CAPN3: variants seen among roughly 807,000 people sequenced by gnomAD.
CAPN3 encodes calpain 3, also known as calpain-3.
A neutral mutation model predicts 114.0 loss-of-function variants in CAPN3; 88 were observed. The ratio of observed to expected loss-of-function variants is 0.77; its 90% CI spans 0.65 to 0.92. The LOEUF (loss-of-function observed/expected upper bound fraction) is 0.92, where lower values mean the gene tolerates loss of function less well. CAPN3 is among the 40% of genes least tolerant of loss of function. CAPN3 has a pLI of 0.00. For missense variants in CAPN3, 1,028 were observed against 1,069.0 expected (o/e 0.96, Z 0.53); for synonymous variants, 386 against 382.9 (o/e 1.01, Z -0.09).
chr15:42,388,873 G>C, intron 4 of CAPN3, 55 bp from the exon 5 acceptor site: 1 of 1,518,458 alleles, frequency 6.6e-7, no homozygotes, highest in South Asian at 1.1e-5. Flanking sequence ...GTGGTACCTG[G>C]GTTTTGTTCC....
At chr15:42,405,995 T>C (rs374321596) in intron 15 of CAPN3, 52 bp downstream of exon 15, 4 of 1,491,214 alleles carry the variant, frequency 2.7e-6, no homozygotes, top group African/African-American at 1.4e-5. Context: ...CATATGTATG[T>C]GCATGCATGT....
In CAPN3 at chr15:42,394,469, C is replaced by T. The variant is rs1045099022; in HGVS notation, c.1115+128C>T. The T allele has an allele frequency of 1.5e-5, 12 of 790,096 alleles. No homozygotes were observed. The African/African-American group carries it at 1.5e-4, about 10-fold the overall frequency. 48.9% of individuals were successfully genotyped at this position (790,096 alleles called of 1,614,324 possible). A position where few individuals can be genotyped will look rare whatever the true frequency, so the allele number is the denominator to read the frequency against. On this transcript the variant is annotated intron_variant, in intron 8 of 23. Coordinates refer to ENST00000397163, the MANE Select transcript of CAPN3 (RefSeq NM_000070.3). ...AAAATCACCCTCAAAACCAATGATC[C>T]GCAGAGAAGAGGGGCACAGGTGTTG...
chr15:42,402,694 G>A (rs1240670180), intron 12 of CAPN3, 100 bp from the exon 13 acceptor site: 1 of 1,572,766 alleles, frequency 6.4e-7, no homozygotes, highest in Non-Finnish European at 8.7e-7. Flanking sequence ...TGTGACATGG[G>A]TGACCAGGGA....
intron 16 of CAPN3, chr15:42,408,934 G>GGTC: frequency 3.1e-6 from 1 of 325,970 alleles, no homozygotes; most frequent in Non-Finnish European, 5.9e-6. Context: ...ACTTGGCCTT[G>GGTC]ATGACAGGGT....
chr15:42,381,026 T>G (rs74503344), intron 1 of CAPN3, among the ~76,000 whole-genome samples: 7,547 of 152,180 alleles, frequency 0.05, 582 homozygotes, highest in African/African-American at 0.16. Flanking sequence ...CTAGGTACTT[T>G]ATAACAGAGA....
chr15:42,402,886 G>A lies in CAPN3; in HGVS notation c.1629G>A (p.Val543=), dbSNP rs768449814. 3 of 1,614,024 alleles carry A rather than the reference G, an allele frequency of 1.9e-6. No individual in the cohort carries two copies. The highest frequency in any genetic ancestry group is 1.3e-5 in the African/African-American group (1 of 74,920). ...AAACCTACATCAACATGCGGGAGGT[G>A]TCCCAGCGCTTCCGCCTGCCTCCCA... ...RSKTYINMRE[V]SQRFRLPPSE... The change falls in exon 13 of 24, where the codon GTG becomes GTA. Residue 543 remains valine, a synonymous_variant. Transcript: ENST00000397163.
In CAPN3 at chr15:42,359,975, A is replaced by C; in HGVS notation, c.170A>C (p.Lys57Thr). 6.2e-7 allele frequency: 1 copy of C among 1,614,230 alleles called. No homozygotes were observed. Among genetic ancestry groups the C allele is most frequent in the Non-Finnish European group, 8.5e-7 (1 of 1,180,038 alleles). The change falls in exon 1 of 24, where the codon AAA becomes ACA. Residue 57 changes from lysine to threonine, a missense_variant. Coordinates refer to ENST00000397163, the MANE Select transcript of CAPN3 (RefSeq NM_000070.3). The stretch of plus-strand genomic sequence containing the variant: ...CGCAATTTTCCTATTATCGGAGTGA[A>C]AGAGAAGACATTCGAGCAACTTCAC... ...ISRNFPIIGV[K>T]EKTFEQLHKK...
intron 1 of CAPN3, among the ~76,000 whole-genome samples, chr15:42,380,423 C>T (rs1215241506): frequency 1.6e-5 from 2 of 127,660 alleles, no homozygotes; most frequent in Non-Finnish European, 3.1e-5. Context: ...TTCTGTCACC[C>T]AGGCTGGAGT....
At chr15:42,410,276 T>C in intron 19 of CAPN3, 152 bp from the exon 20 acceptor site, 2 of 817,080 alleles carry the variant, frequency 2.4e-6, no homozygotes, top group Non-Finnish European at 4.2e-6. Context: ...GGTTACAGAG[T>C]AGGCGCAATC....
intron 1 of CAPN3, among the ~76,000 whole-genome samples, chr15:42,378,882 T>G (rs1209034053): frequency 6.6e-6 from 1 of 152,208 alleles, no homozygotes; most frequent in African/African-American, 2.4e-5. Flanking sequence ...CTTTTGAAAT[T>G]TCTTCTTTGA....
At chr15:42,361,954 CACTG>C (rs758293861) in intron 1 of CAPN3, among the ~76,000 whole-genome samples, 1 of 152,248 alleles carries the variant, frequency 6.6e-6, no homozygotes, top group Non-Finnish European at 1.5e-5. Context: ...GATTTCCTCT[CACTG>C]AGAGCAGAAA....
At chr15:42,366,241 C>T (rs1219824288) in intron 1 of CAPN3, among the ~76,000 whole-genome samples, 1 of 152,238 alleles carries the variant, frequency 6.6e-6, no homozygotes, top group Non-Finnish European at 1.5e-5. Flanking sequence ...CCATCTAACT[C>T]ACAACCCTGC....
rs977994049 is a variant in CAPN3 at position 42,411,959 on chromosome 15, A to G, written c.*186A>G. 2.6e-6 allele frequency: 4 copies of G among 1,519,516 alleles called. No individual in the cohort carries two copies. The highest frequency in any genetic ancestry group is 2.7e-6 in the Non-Finnish European group (3 of 1,131,474). 94.1% of individuals were successfully genotyped at this position (1,519,516 alleles called of 1,614,324 possible). ...TCCTTGATCGGTCATGCCTAGCCTGACCCTTTAGTAAAGCAATGAGGTAGG... is the reference window on the plus strand; with the variant it reads ...TCCTTGATCGGTCATGCCTAGCCTGGCCCTTTAGTAAAGCAATGAGGTAGG... On this transcript the variant is annotated 3_prime_UTR_variant, in exon 24 of 24. Transcript: ENST00000397163.
At position 42,392,619 on chromosome 15, in the gene CAPN3, C is replaced by T. The variant is rs1231638797; in HGVS notation, c.946-20C>T. ...TCTGTTCCCCCGCCCCTAATGGGTT[C>T]TCTGGTTACTGCTCTACAGACAATC... On this transcript the variant is annotated intron_variant, in intron 6 of 23. Transcript: ENST00000397163. The T allele has an allele frequency of 2.6e-5, 41 of 1,602,694 alleles. No homozygotes were observed. Among genetic ancestry groups the T allele is most frequent in the Non-Finnish European group, 3.4e-5 (40 of 1,169,838 alleles).
At chr15:42,401,567 G>A (rs1271476691) in intron 10 of CAPN3, 74 bp from the exon 11 acceptor site, 8 of 1,340,480 alleles carry the variant, frequency 6.0e-6, no homozygotes, top group South Asian at 5.9e-5. Context: ...GAAATAAATG[G>A]CTCCCTCTGT....
In CAPN3 at chr15:42,380,084, G is replaced by A. The variant is rs548107438; in HGVS notation, c.310-4399G>A. ...CATTGCATTCCAGCCTGGGCGACAA[G>A]AGCGAAACTCTGTCTCAAAAAAATA... On this transcript the variant is annotated intron_variant, in intron 1 of 23. Transcript: ENST00000397163. Among the ~76,000 whole-genome samples, 98 of 152,220 alleles carry A rather than the reference G, an allele frequency of 6.4e-4. 2 individuals are homozygous for A. In the South Asian group the frequency reaches 0.02, roughly 31 times the overall value.
chr15:42,409,234 G>C (rs1351667097), intron 16 of CAPN3, 69 bp from the exon 17 acceptor site: 1 of 1,496,738 alleles, frequency 6.7e-7, no homozygotes, highest in Non-Finnish European at 9.3e-7. Context: ...CCTTGGCCCA[G>C]AGGAGCTTGC....
chr15:42,389,807 G>A (rs966010074), intron 5 of CAPN3, 146 bp from the exon 6 acceptor site: 34 of 892,742 alleles, frequency 3.8e-5, no homozygotes, highest in Admixed American at 1.4e-4. Flanking sequence ...ACTTTTCTCC[G>A]TCTTTCCTCC....
At chr15:42,390,275 C>T (rs1420126090) in intron 6 of CAPN3, among the ~76,000 whole-genome samples, 179 bp downstream of exon 6, 2 of 152,208 alleles carry the variant, frequency 1.3e-5, no homozygotes, top group Non-Finnish European at 2.9e-5. Context: ...GGTGCAAGAA[C>T]CAGGATTTTG....
Sources: allele counts gnomAD v4.1 joint callset (sites outside exome capture counted in the v4.1 genomes callset), GRCh38; gene constraint gnomAD v4.1.1; transcripts MANE v1.5; gene names NCBI Gene and HGNC (gene_info 2026-07-23, HGNC 2026-07-21).